The following ODR4 variants were observed in gnomAD, a reference collection of about 807,000 sequenced individuals.
The protein encoded by ODR4 is odr-4 GPCR localization factor homolog.
ODR4 carries 47 observed loss-of-function variants against 60.2 expected under a neutral mutation model. The observed-to-expected ratio is 0.78, with a 90% CI of 0.62 to 1.00. The LOEUF is 1.00. ODR4 is among the 50% of genes least tolerant of loss of function. The pLI is 0.00. For missense variants in ODR4, 488 were observed against 530.8 expected, an observed-to-expected ratio of 0.92 and a Z score of 0.79; for synonymous variants, 178 against 175.5, an observed-to-expected ratio of 1.01 and a Z score of -0.11.
intron 5 of ODR4, among the ~76,000 whole-genome samples, chr1:186,388,997 G>A (rs1374140284): frequency 6.6e-6 from 1 of 152,192 alleles, no homozygotes; most frequent in Non-Finnish European, 1.5e-5. Context: ...CTTTGGCTAA[G>A]ATGAAATGAC....
intron 5 of ODR4, among the ~76,000 whole-genome samples, 166 bp from the exon 6 acceptor site, chr1:186,389,422 G>GTA (rs1013521826): frequency 1.3e-5 from 2 of 152,058 alleles, no homozygotes; most frequent in Admixed American, 6.5e-5. Context: ...ATACACATAT[G>GTA]TATATATATG....
intron 12 of ODR4, among the ~76,000 whole-genome samples, chr1:186,414,187 T>C (rs1395349209): frequency 6.6e-6 from 1 of 152,184 alleles, no homozygotes; most frequent in African/African-American, 2.4e-5. Flanking sequence ...TGAAAAACAT[T>C]CTGCTTCGGT....
chr1:186,407,212 C>A lies in ODR4; in HGVS notation c.1186+944C>A, dbSNP rs193247463. Among the ~76,000 whole-genome samples the A allele has an allele frequency of 7.9e-3, 1,209 of 152,180 alleles. 19 individuals are homozygous for A. Among genetic ancestry groups the A allele is most frequent in the African/African-American group, 0.028 (1,151 of 41,544 alleles). ...TGTTAAAATAAAGAAGAGCTACTTT[C>A]TAATCCCATGAAAACTAATATTTTT... On this transcript the variant is annotated intron_variant, in intron 12 of 13. Transcript: ENST00000287859.
chr1:186,398,347 T>G lies in ODR4; in HGVS notation c.815T>G (p.Val272Gly), dbSNP rs1660778746. Residue 272 changes from valine to glycine, a missense_variant, in exon 10 of 14, where the codon GTC (valine) becomes GGC (glycine). By Grantham distance (109) the Val-to-Gly change is moderately radical. Coordinates refer to ENST00000287859, the MANE Select transcript of ODR4 (RefSeq NM_017847.6). ...LNSDHRSTAT[V>G]QICSGSVNLK... ...TCAGACCACAGATCCACAGCCACAG[T>G]CCAGATATGTAGCGGTTCTGTAAAC... 6.2e-7 allele frequency: 1 copy of G among 1,609,908 alleles called. No homozygotes were observed.
At chr1:186,385,559 G>A (rs1443975797) in intron 3 of ODR4, among the ~76,000 whole-genome samples, 2 of 151,754 alleles carry the variant, frequency 1.3e-5, no homozygotes, top group Non-Finnish European at 2.9e-5. Flanking sequence ...TCGGCCTAGG[G>A]AACACCCTGA....
chr1:186,428,509 A>G, the ODR4 span, among the ~76,000 whole-genome samples: 1 of 152,206 alleles, frequency 6.6e-6, no homozygotes. Flanking sequence ...CTTTCTCCAT[A>G]TAAGCAATAA....
intron 13 of ODR4, 81 bp downstream of exon 13, chr1:186,417,735 C>T (rs181012785): frequency 6.7e-5 from 52 of 777,004 alleles, no homozygotes; most frequent in Non-Finnish European, 4.3e-6. Context: ...CTTTGTATTT[C>T]ATTTCTCTTT....
rs558763366 is a variant in ODR4, at chr1:186,421,149, A to G, written c.*2073A>G. On this transcript the variant is annotated 3_prime_UTR_variant, in exon 14 of 14. Transcript: ENST00000287859. ...AAACAAACAGATGCTCAGATGAAAA[A>G]CAGATGTTATCCTCAGCACAAATTC... 34 of 152,300 alleles carry G rather than the reference A, an allele frequency of 2.2e-4. No individual in the cohort carries two copies. In the East Asian group the frequency reaches 6.2e-3, roughly 28 times the overall value. The allele number at this position is 152,300 out of a possible 1,614,324, so 9.4% of individuals were successfully genotyped here. A position where few individuals can be genotyped will look rare whatever the true frequency, so the allele number is the denominator to read the frequency against.
Position 186,390,774 on chromosome 1 carries a change from G to C in ODR4, c.538G>C (p.Glu180Gln). The C allele has an allele frequency of 1.2e-6, 2 of 1,612,904 alleles. No individual in the cohort carries two copies. The highest frequency in any genetic ancestry group is 4.5e-5 in the East Asian group (2 of 44,792). The change falls in exon 7 of 14, where the codon GAG (glutamate) becomes CAG (glutamine). Residue 180 changes from glutamate to glutamine, a missense_variant. Physicochemically the swap from Glu to Gln is conservative, Grantham distance 29. Coordinates refer to ENST00000287859, the MANE Select transcript of ODR4 (RefSeq NM_017847.6). ...ATTATCATCCTCATGGCTTTCTTTAGAGTGTACAGTTCACATTAATATTCA... is the reference window on the plus strand; with the variant it reads ...ATTATCATCCTCATGGCTTTCTTTACAGTGTACAGTTCACATTAATATTCA... Reference protein sequence around the residue: ...SGLSSSWLSLECTVHINIHIP... With the variant: ...SGLSSSWLSLQCTVHINIHIP...
downstream of ODR4, among the ~76,000 whole-genome samples, chr1:186,423,653 C>T (rs1342923861): frequency 6.6e-6 from 1 of 151,658 alleles, no homozygotes; most frequent in East Asian, 1.9e-4. Context: ...CAGGGTTTCA[C>T]CAAGATGTCC....
chr1:186,424,371 A>G (rs747838815), downstream of ODR4, among the ~76,000 whole-genome samples: 3 of 152,308 alleles, frequency 2.0e-5, no homozygotes, highest in Non-Finnish European at 4.4e-5. Flanking sequence ...TTTCTTTTAA[A>G]GGAGTCATAA....
chr1:186,386,078 C>A lies in ODR4; in HGVS notation c.325C>A (p.Arg109Ser). 3 of 1,571,410 alleles carry A rather than the reference C, an allele frequency of 1.9e-6. No homozygotes were observed. The highest frequency in any genetic ancestry group is 1.4e-5 in the African/African-American group (1 of 73,644). ...ELANDFQNAL[R>S]RLMFAVEKSI... ...GGCAAATGATTTTCAAAATGCCCTG[C>A]GTAGAGTAAGTTTGATATATCGAAA... Residue 109 changes from arginine (R) to serine (S), a missense_variant, in exon 4 of 14, where the codon CGT (arginine) becomes AGT (serine). By Grantham distance (110) the Arg-to-Ser change is moderately radical. Coordinates refer to ENST00000287859, the MANE Select transcript of ODR4 (RefSeq NM_017847.6).
At chr1:186,409,845 A>G (rs1011450703) in intron 12 of ODR4, among the ~76,000 whole-genome samples, 12 of 152,184 alleles carry the variant, frequency 7.9e-5, no homozygotes, top group African/African-American at 2.9e-4. Context: ...AGGCCAGCCA[A>G]TAGAGTTTTT....
chr1:186,379,824 G>C lies in ODR4; in HGVS notation c.39G>C (p.Gln13His). The C allele has an allele frequency of 1.2e-6, 2 of 1,608,830 alleles. No individual in the cohort carries two copies. Among genetic ancestry groups the C allele is most frequent in the South Asian group, 1.1e-5 (1 of 90,072 alleles). Residue 13 changes from glutamine to histidine, a missense_variant, in exon 2 of 14, where the codon CAG (glutamine) becomes CAC (histidine). Gln to His is a conservative substitution (Grantham distance 24, BLOSUM62 0). Coordinates refer to ENST00000287859, the MANE Select transcript of ODR4 (RefSeq NM_017847.6). Reference sequence around the variant, plus strand: ...ACATTGTAGAAGAGACTGTTGGCCAGTATCTTTCAAACATAAATCTCCAAG... The same window carrying C: ...ACATTGTAGAAGAGACTGTTGGCCACTATCTTTCAAACATAAATCTCCAAG... ...RTYIVEETVG[Q>H]YLSNINLQGK...
chr1:186,401,269 A>G (rs1451371253), intron 11 of ODR4: 4 of 1,226,966 alleles, frequency 3.3e-6, no homozygotes, highest in Non-Finnish European at 4.5e-6. Context: ...TTTAGAAGTT[A>G]ATGTTAAAGC....
chr1:186,432,349 A>G, the ODR4 span, among the ~76,000 whole-genome samples: 101 of 152,052 alleles, frequency 6.6e-4, 1 homozygote, highest in South Asian at 6.2e-4. Flanking sequence ...TTCCCTTCTC[A>G]TACTGCCCTT....
chr1:186,430,155 CAT>C, the ODR4 span, among the ~76,000 whole-genome samples: 1,021 of 152,116 alleles, frequency 6.7e-3, 14 homozygotes, highest in African/African-American at 0.022. Context: ...CATAAGGACA[CAT>C]AGAGTAGATA....
At chr1:186,404,406 A>AT (rs1043651653) in intron 11 of ODR4, among the ~76,000 whole-genome samples, 5 of 152,064 alleles carry the variant, frequency 3.3e-5, no homozygotes, top group Non-Finnish European at 5.9e-5. Context: ...TTAACGTTTG[A>AT]TTTTTTTAGC....
chr1:186,376,903 G>A lies in ODR4; in HGVS notation c.-20+929G>A, dbSNP rs191363406. ...GATTAGGAAACCAGAGCCCAGAAAG[G>A]TTGAGTTGTGTCAGTCACAGTGCTT... On this transcript the variant is annotated intron_variant, in intron 1 of 13. Coordinates refer to ENST00000287859, the MANE Select transcript of ODR4 (RefSeq NM_017847.6). 1.4e-4 allele frequency among the ~76,000 whole-genome samples: 22 copies of A among 152,292 alleles called. No homozygotes were observed. In the East Asian group the frequency reaches 4.2e-3, roughly 29 times the overall value.
Sources: gnomAD v4.1 joint callset for allele counts (sites outside exome capture counted in the v4.1 genomes callset) on GRCh38, gnomAD v4.1.1 for gene constraint, MANE v1.5 for transcripts, NCBI Gene and HGNC (gene_info 2026-07-23, HGNC 2026-07-21) for gene names.